PAPSS2: variants seen among roughly 807,000 people sequenced by gnomAD.
PAPSS2 encodes bifunctional 3'-phosphoadenosine 5'-phosphosulfate synthase 2.
A neutral mutation model predicts 66.5 loss-of-function variants in PAPSS2; 61 were observed. That is an observed-to-expected ratio of 0.92 (90% CI 0.75 to 1.14). The LOEUF (loss-of-function observed/expected upper bound fraction) is 1.14. Ranked by LOEUF, PAPSS2 falls within the 50% of genes most tolerant of loss-of-function variation. The pLI is 0.00. For synonymous variants in PAPSS2, 289 were observed against 287.5 expected (o/e 1.01, Z -0.05); for missense variants, 708 against 789.6 (o/e 0.90, Z 1.24).
In PAPSS2 at chr10:87,746,364, T is replaced by C. The variant is rs1383452865; in HGVS notation, c.*394T>C. 1 of 161,006 alleles carries C rather than the reference T, an allele frequency of 6.2e-6. No individual in the cohort carries two copies. The highest frequency in any genetic ancestry group is 2.4e-5 in the African/African-American group (1 of 41,468). 10.0% of individuals were successfully genotyped at this position (161,006 alleles called of 1,614,324 possible). On this transcript the variant is annotated 3_prime_UTR_variant, in exon 13 of 13. Coordinates refer to ENST00000456849, the MANE Select transcript of PAPSS2 (RefSeq NM_001015880.2). ...GTACTCTTCCAATGTCATTTATCAG[T>C]TGTAAAATATATCAGATTGTGTCCT...
chr10:87,672,079 G>A (rs17117336), intron 1 of PAPSS2, among the ~76,000 whole-genome samples: 11,063 of 152,110 alleles, frequency 0.073, 707 homozygotes, highest in East Asian at 0.33. Flanking sequence ...CTACATATTA[G>A]GTAGTTACAA....
At chr10:87,674,388 A>G (rs572911745) in intron 1 of PAPSS2, among the ~76,000 whole-genome samples, 4 of 151,164 alleles carry the variant, frequency 2.6e-5, no homozygotes, top group South Asian at 4.2e-4. Flanking sequence ...CTGGTCTTGA[A>G]CTCCTGGCCT....
intron 1 of PAPSS2, among the ~76,000 whole-genome samples, chr10:87,674,067 C>G (rs2131898817): frequency 6.6e-6 from 1 of 152,240 alleles, no homozygotes; most frequent in Middle Eastern, 3.4e-3. Flanking sequence ...TTCCTGCAAG[C>G]TTACAAATCA....
At chr10:87,707,115 T>C (rs1853400823) in intron 1 of PAPSS2, among the ~76,000 whole-genome samples, 1 of 152,166 alleles carries the variant, frequency 6.6e-6, no homozygotes, top group South Asian at 2.1e-4. Context: ...CCTGGCTCTG[T>C]CTCACTAGCA....
In PAPSS2 at chr10:87,701,332, CTTTCTTTCTTTCTTTCTTT is replaced by C. The variant is rs1564716699; in HGVS notation, c.28-7863_28-7845del. On this transcript the variant is annotated intron_variant, in intron 1 of 12. Coordinates refer to ENST00000456849, the MANE Select transcript of PAPSS2 (RefSeq NM_001015880.2). ...CCTTCCTTCCTTCCTTCCTTCCTTT[CTTTCTTTCTTTCTTTCTTT>C]CTTTCTTTCTTTCTTTCTTTCTTTC... Among the ~76,000 whole-genome samples, 18 of 51,120 alleles carry C rather than the reference CTTTCTTTCTTTCTTTCTTT, an allele frequency of 3.5e-4. 1 individual carries two copies. The highest frequency in any genetic ancestry group is 6.1e-4 in the African/African-American group (9 of 14,684). 33.5% of individuals were successfully genotyped at this position (51,120 alleles called of 152,430 possible).
chr10:87,708,956 T>C (rs758709217), intron 1 of PAPSS2, among the ~76,000 whole-genome samples: 2 of 152,206 alleles, frequency 1.3e-5, no homozygotes, highest in Non-Finnish European at 2.9e-5. Context: ...AACTTAGGTA[T>C]GTAGACTCAC....
At chr10:87,705,005 G>A (rs947909264) in intron 1 of PAPSS2, among the ~76,000 whole-genome samples, 4 of 152,142 alleles carry the variant, frequency 2.6e-5, no homozygotes, top group Non-Finnish European at 2.9e-5. Context: ...AATTTACAAC[G>A]AAATACACAT....
At chr10:87,680,497 A>G (rs1230023431) in intron 1 of PAPSS2, among the ~76,000 whole-genome samples, 1 of 152,164 alleles carries the variant, frequency 6.6e-6, no homozygotes, top group African/African-American at 2.4e-5. Context: ...GGGTCTGTAG[A>G]GGGATGAATT....
chr10:87,694,918 G>C (rs1433583332), intron 1 of PAPSS2, among the ~76,000 whole-genome samples: 1 of 152,232 alleles, frequency 6.6e-6, no homozygotes, highest in Non-Finnish European at 1.5e-5. Flanking sequence ...ATGGGGGACT[G>C]TGTTCAGGAA....
intron 1 of PAPSS2, among the ~76,000 whole-genome samples, chr10:87,698,933 T>C (rs1373107492): frequency 6.6e-6 from 1 of 152,236 alleles, no homozygotes; most frequent in East Asian, 1.9e-4. Flanking sequence ...GTTAAGACTT[T>C]CCTATCTACC....
intron 1 of PAPSS2, among the ~76,000 whole-genome samples, chr10:87,701,232 T>C (rs1472935298): frequency 9.4e-6 from 1 of 105,922 alleles, no homozygotes; most frequent in Non-Finnish European, 1.7e-5. Context: ...ATAATAATTT[T>C]CTTTCTTTTT....
intron 9 of PAPSS2, among the ~76,000 whole-genome samples, chr10:87,730,551 G>T (rs570594795): frequency 7.2e-4 from 109 of 152,264 alleles, no homozygotes; most frequent in Non-Finnish European, 1.3e-3. Context: ...AGAAAGCCTG[G>T]CTGTATCAAT....
chr10:87,729,851 C>T (rs1853706817), intron 9 of PAPSS2, among the ~76,000 whole-genome samples: 1 of 152,054 alleles, frequency 6.6e-6, no homozygotes, highest in South Asian at 2.1e-4. Flanking sequence ...ACAAAATTAG[C>T]CGGGCATGGT....
In PAPSS2 at chr10:87,659,905, T is replaced by TGCTGCTGCTGCC. The variant is rs1044981983; in HGVS notation, c.-75_-74insTGCTGCTGCCGC. 36 of 1,423,862 alleles carry TGCTGCTGCTGCC rather than the reference T, an allele frequency of 2.5e-5. No homozygotes were observed. The East Asian group carries it at 5.7e-4, about 22-fold the overall frequency. 88.2% of individuals were successfully genotyped at this position (1,423,862 alleles called of 1,614,324 possible). On this transcript the variant is annotated 5_prime_UTR_variant, in exon 1 of 13. Transcript: ENST00000456849. ...CCGCTGCTGCTGCTGCTGCTGCTGC[T>TGCTGCTGCTGCC]GCCGCCGCCGCCGCCGCCGTCCCTG... is the stretch of plus-strand genomic sequence containing the variant.
intron 9 of PAPSS2, among the ~76,000 whole-genome samples, chr10:87,731,367 A>G (rs1853726665): frequency 6.6e-6 from 1 of 152,248 alleles, no homozygotes; most frequent in Non-Finnish European, 1.5e-5. Context: ...TTGACAGTGC[A>G]CCTAGTTACC....
In PAPSS2 at chr10:87,745,122, G is replaced by T; in HGVS notation, c.1612G>T (p.Gly538Cys). The stretch of plus-strand genomic sequence containing the variant: ...GGATCTGTATGAACCCACTCATGGG[G>T]GCAAGGTCTTGAGCATGGCCCCTGG... ...KKDLYEPTHG[G>C]KVLSMAPGLT... Residue 538 changes from glycine (G) to cysteine (C), a missense_variant, in exon 12 of 13, where the codon GGC (glycine) becomes TGC (cysteine). By Grantham distance (159) the Gly-to-Cys change is radical. Coordinates refer to ENST00000456849, the MANE Select transcript of PAPSS2 (RefSeq NM_001015880.2). 2 of 1,614,116 alleles carry T rather than the reference G, an allele frequency of 1.2e-6. No homozygotes were observed. Among genetic ancestry groups the T allele is most frequent in the Non-Finnish European group, 1.7e-6 (2 of 1,180,002 alleles).
intron 1 of PAPSS2, among the ~76,000 whole-genome samples, chr10:87,692,178 G>A (rs886584162): frequency 2.0e-5 from 3 of 152,132 alleles, no homozygotes; most frequent in Admixed American, 6.5e-5. Flanking sequence ...GAGAAGTGTG[G>A]GTCATCGCTA....
At position 87,713,369 on chromosome 10, in the gene PAPSS2, G is replaced by A. The variant is rs1853491209; in HGVS notation, c.381+59G>A. The stretch of plus-strand genomic sequence containing the variant: ...CACGATTCCCACACACAGTGCAAGT[G>A]CTCTCCAACTGCTAGGGGAAGGAAT... On this transcript the variant is annotated intron_variant, in intron 3 of 12. Transcript: ENST00000456849. The A allele has an allele frequency of 2.9e-5, 27 of 937,574 alleles. No homozygotes were observed. In the East Asian group the frequency reaches 7.4e-4, roughly 26 times the overall value. The allele number at this position is 937,574 out of a possible 1,614,324, so 58.1% of individuals were successfully genotyped here.
rs58668772 is a variant in PAPSS2, at chr10:87,724,851, T to TACACACACACACACACAC, written c.881-2429_881-2412dup. Among the ~76,000 whole-genome samples the TACACACACACACACACAC allele has an allele frequency of 5.0e-3, 692 of 138,312 alleles. 13 individuals are homozygous for TACACACACACACACACAC. Among genetic ancestry groups the TACACACACACACACACAC allele is most frequent in the African/African-American group, 0.017 (620 of 35,944 alleles). 90.7% of individuals were successfully genotyped at this position (138,312 alleles called of 152,430 possible). On this transcript the variant is annotated intron_variant, in intron 8 of 12. Coordinates refer to ENST00000456849, the MANE Select transcript of PAPSS2 (RefSeq NM_001015880.2). ...TAGGTATACAATAAATCTCTGTCTA[T>TACACACACACACACACAC]ACACACACACACACACACACATACA...
Sources: allele counts gnomAD v4.1 joint callset (sites outside exome capture counted in the v4.1 genomes callset), GRCh38; gene constraint gnomAD v4.1.1; transcripts MANE v1.5; gene names NCBI Gene and HGNC (gene_info 2026-07-23, HGNC 2026-07-21).